Variants in RAPGEF4 observed in about 807,000 individuals in gnomAD.
The protein encoded by RAPGEF4 is RAP guanine-nucleotide-exchange factor (GEF) 4.
RAPGEF4 carries 66 observed loss-of-function variants against 147.9 expected under a neutral mutation model. That is an observed-to-expected ratio of 0.45 (90% confidence interval 0.37 to 0.55). RAPGEF4 has a LOEUF of 0.55. Among genes scored for constraint, RAPGEF4 ranks in the 20% least tolerant of loss-of-function variants. The pLI, the probability that RAPGEF4 is intolerant of heterozygous loss-of-function variation, is 0.00. For synonymous variants in RAPGEF4, 419 were observed against 442.7 expected, an observed-to-expected ratio of 0.95 and a Z score of 0.67; for missense variants, 1,071 against 1,257.3, an observed-to-expected ratio of 0.85 and a Z score of 2.24.
chr2:172,958,458 C>A lies in RAPGEF4; in HGVS notation c.538-2302C>A, dbSNP rs934643282. ...GATGGTCTCACGTGTTTGAACACTTCTCTGGGTGATATACTATCAAAGAAT... is the reference window on the plus strand; with the variant it reads ...GATGGTCTCACGTGTTTGAACACTTATCTGGGTGATATACTATCAAAGAAT... On this transcript the variant is annotated intron_variant, in intron 6 of 30. Transcript: ENST00000397081. 3.9e-5 allele frequency among the ~76,000 whole-genome samples: 6 copies of A among 152,204 alleles called. No homozygotes were observed. In the East Asian group the frequency reaches 1.2e-3, roughly 29 times the overall value.
rs147236805 is a variant in RAPGEF4, at chr2:173,042,217, G to A, written c.2853+5525G>A. Among the ~76,000 whole-genome samples the A allele has an allele frequency of 4.6e-5, 7 of 152,328 alleles. No homozygotes were observed. The highest frequency in any genetic ancestry group is 6.5e-5 in the Admixed American group (1 of 15,306). On this transcript the variant is annotated intron_variant, in intron 29 of 30. Coordinates refer to ENST00000397081, the MANE Select transcript of RAPGEF4 (RefSeq NM_007023.4). This position sits in a 1 kb window ranked among gnomAD's most constrained non-coding sequence, Gnocchi z 4.2. ...CACCCATAAAAATGTCTGGCACATCGTAAGTATGCAAGAAGTACTTGTTGA... is the reference window on the plus strand; with the variant it reads ...CACCCATAAAAATGTCTGGCACATCATAAGTATGCAAGAAGTACTTGTTGA...
chr2:173,005,883 C>T (rs1694429118), intron 17 of RAPGEF4, among the ~76,000 whole-genome samples: 1 of 152,110 alleles, frequency 6.6e-6, no homozygotes, highest in African/African-American at 2.4e-5. Context: ...TGCCCGAGAT[C>T]CTGCATATAC....
intron 4 of RAPGEF4, among the ~76,000 whole-genome samples, chr2:172,830,645 C>T (rs1303660147): frequency 6.6e-6 from 1 of 152,114 alleles, no homozygotes; most frequent in Non-Finnish European, 1.5e-5. Context: ...TCTCTGTCAC[C>T]CAGGCTGTAG....
chr2:172,870,225 C>T (rs973261513), intron 4 of RAPGEF4, among the ~76,000 whole-genome samples: 9 of 152,156 alleles, frequency 5.9e-5, no homozygotes, highest in Non-Finnish European at 1.3e-4. Flanking sequence ...AGTAGGAATA[C>T]ATTTCACATC....
chr2:173,043,568 AC>A (rs1177767780), intron 29 of RAPGEF4, among the ~76,000 whole-genome samples: 1 of 152,212 alleles, frequency 6.6e-6, no homozygotes, highest in Non-Finnish European at 1.5e-5. Flanking sequence ...CAAAGGGGGA[AC>A]TTGGACTAGG....
intron 3 of RAPGEF4, among the ~76,000 whole-genome samples, chr2:172,803,083 C>T (rs1687136508): frequency 6.6e-6 from 1 of 152,142 alleles, no homozygotes; most frequent in South Asian, 2.1e-4. Context: ...GCAGCTTTTC[C>T]AGGTGCATGG....
At chr2:172,965,321 T>C in intron 8 of RAPGEF4, 1 of 534,560 alleles carries the variant, frequency 1.9e-6, no homozygotes, top group East Asian at 3.1e-5. Flanking sequence ...GTGCTACAAG[T>C]TGTAATGCTT....
At chr2:173,049,987 T>G (rs927124739) in intron 30 of RAPGEF4, among the ~76,000 whole-genome samples, 5 of 152,004 alleles carry the variant, frequency 3.3e-5, no homozygotes, top group Non-Finnish European at 5.9e-5. Context: ...CCTGAGGGGG[T>G]TTATAGCCTT....
chr2:173,036,153 G>C lies in RAPGEF4; in HGVS notation c.2729G>C (p.Arg910Thr). The C allele has an allele frequency of 6.2e-7, 1 of 1,612,922 alleles. No individual in the cohort carries two copies. The highest frequency in any genetic ancestry group is 8.5e-7 in the Non-Finnish European group (1 of 1,179,232). The change falls in exon 28 of 31, where the codon AGG becomes ACG. Residue 910 changes from arginine (R) to threonine (T), a missense_variant. Physicochemically the swap from Arg to Thr is moderately conservative, Grantham distance 71. Coordinates refer to ENST00000397081, the MANE Select transcript of RAPGEF4 (RefSeq NM_007023.4). ...MDPSRNHRAYRLTVAKLEPPL... is the reference protein window; with the variant it reads ...MDPSRNHRAYTLTVAKLEPPL... ...CCTTCAAGGAACCACAGGGCCTACA[G>C]GCTGACAGTAGCTAAGCTGGAACCT...
At chr2:172,851,972 T>C (rs74738475) in intron 4 of RAPGEF4, among the ~76,000 whole-genome samples, 25 of 152,334 alleles carry the variant, frequency 1.6e-4, no homozygotes, top group Non-Finnish European at 2.8e-4. Flanking sequence ...TTTTTAAAAA[T>C]TGAATTATGC....
chr2:172,828,111 TTG>T (rs1032605119), intron 4 of RAPGEF4, among the ~76,000 whole-genome samples: 1 of 152,136 alleles, frequency 6.6e-6, no homozygotes, highest in African/African-American at 2.4e-5. Context: ...GTCAAGGATC[TTG>T]CAACTTAATG....
intron 29 of RAPGEF4, among the ~76,000 whole-genome samples, chr2:173,044,415 T>G (rs1575594601): frequency 6.6e-6 from 1 of 152,216 alleles, no homozygotes; most frequent in East Asian, 1.9e-4. Flanking sequence ...ACCTCCACTC[T>G]GCAACGCAGG....
chr2:172,992,245 T>G (rs1313148545), intron 15 of RAPGEF4, among the ~76,000 whole-genome samples: 1 of 152,158 alleles, frequency 6.6e-6, no homozygotes, highest in Admixed American at 6.5e-5. Context: ...CCATAGAAAT[T>G]TCCTTATTAT....
intron 1 of RAPGEF4, among the ~76,000 whole-genome samples, chr2:172,750,333 C>T (rs1695159482): frequency 1.3e-5 from 2 of 152,006 alleles, no homozygotes; most frequent in South Asian, 2.1e-4. Context: ...GGAGGCCTCA[C>T]AATCATGGCA....
intron 4 of RAPGEF4, among the ~76,000 whole-genome samples, chr2:172,861,764 G>A (rs950465851): frequency 6.6e-5 from 10 of 152,176 alleles, no homozygotes; most frequent in Admixed American, 6.5e-5. Context: ...ATATTAGACC[G>A]ACAGGAGTGC....
At chr2:172,969,604 C>G (rs1181681931) in intron 10 of RAPGEF4, among the ~76,000 whole-genome samples, 1 of 152,204 alleles carries the variant, frequency 6.6e-6, no homozygotes, top group Non-Finnish European at 1.5e-5. Context: ...TCAAGGGAGG[C>G]AAAAATGCCA....
intron 25 of RAPGEF4, 44 bp downstream of exon 25, chr2:173,027,303 G>A: frequency 2.0e-6 from 3 of 1,480,000 alleles, no homozygotes; most frequent in Non-Finnish European, 2.7e-6. Flanking sequence ...ATGTTGAGCT[G>A]TGTTTTCATT....
intron 4 of RAPGEF4, among the ~76,000 whole-genome samples, chr2:172,851,423 G>T (rs1692812192): frequency 6.6e-6 from 1 of 152,112 alleles, no homozygotes; most frequent in African/African-American, 2.4e-5. Context: ...TTGTTTTGGG[G>T]TGGAGAGTTC....
intron 26 of RAPGEF4, among the ~76,000 whole-genome samples, chr2:173,032,551 T>C (rs1197681584): frequency 6.6e-6 from 1 of 152,224 alleles, no homozygotes; most frequent in Non-Finnish European, 1.5e-5. Flanking sequence ...AGTAAGTCAA[T>C]GTTTTTGCAT....
Sources: allele counts gnomAD v4.1 joint callset (sites outside exome capture counted in the v4.1 genomes callset), GRCh38; gene constraint gnomAD v4.1.1; non-coding constraint Gnocchi (gnomAD v3.1); transcripts MANE v1.5; gene names NCBI Gene and HGNC (gene_info 2026-07-23, HGNC 2026-07-21).